The following SUGCT variants were observed in gnomAD, a reference collection of about 807,000 sequenced individuals.
SUGCT encodes the protein succinyl-CoA:glutarate CoA-transferase.
Under a neutral mutation model 55.0 loss-of-function variants are expected in SUGCT, and 41 were observed. The observed-to-expected ratio is 0.74, with a 90% CI of 0.58 to 0.97. The LOEUF (loss-of-function observed/expected upper bound fraction) is 0.97, where lower values mean the gene tolerates loss of function less well. Ranked by LOEUF, SUGCT falls within the 50% of genes least tolerant of loss-of-function variation. The pLI, the probability that SUGCT is intolerant of heterozygous loss-of-function variation, is 0.00. For missense variants in SUGCT, 568 were observed against 547.8 expected, an observed-to-expected ratio of 1.04 and a Z score of -0.37; for synonymous variants, 187 against 200.4, an observed-to-expected ratio of 0.93 and a Z score of 0.56.
intron 9 of SUGCT, among the ~76,000 whole-genome samples, chr7:40,318,986 G>A (rs897937637): frequency 7.9e-5 from 12 of 152,160 alleles, no homozygotes; most frequent in Non-Finnish European, 1.3e-4. Context: ...TTCACTATGT[G>A]TTGAAAAGAA....
At chr7:40,197,964 C>T (rs1324620909) in intron 6 of SUGCT, among the ~76,000 whole-genome samples, 1 of 152,120 alleles carries the variant, frequency 6.6e-6, no homozygotes. Flanking sequence ...AGTTTTCTTA[C>T]AGTTCTCAAA....
At chr7:40,992,540 T>G in the SUGCT span, among the ~76,000 whole-genome samples, 109,912 of 151,900 alleles carry the variant, frequency 0.72, 40,337 homozygotes, top group Middle Eastern at 0.81. Flanking sequence ...CAAGATGGAG[T>G]TGCTCTGGTT....
intron 13 of SUGCT, among the ~76,000 whole-genome samples, chr7:40,858,403 CAAAAA>C (rs58628576): frequency 5.8e-5 from 2 of 34,752 alleles, no homozygotes; most frequent in South Asian, 1.2e-3. Flanking sequence ...AATTCCATCT[CAAAAA>C]AAAAAAAAAA....
chr7:40,496,699 A>C (rs1791994013), intron 12 of SUGCT, among the ~76,000 whole-genome samples: 1 of 137,140 alleles, frequency 7.3e-6, no homozygotes, highest in Non-Finnish European at 1.6e-5. Flanking sequence ...GGGTACTCAG[A>C]GACTATTCTT....
downstream of SUGCT, among the ~76,000 whole-genome samples, chr7:40,865,146 C>T (rs1395871677): frequency 1.3e-5 from 2 of 151,710 alleles, no homozygotes; most frequent in Non-Finnish European, 2.9e-5. Flanking sequence ...ATCTTCCAAC[C>T]CCCCCTCCTC....
chr7:40,265,048 T>C (rs952741243), intron 7 of SUGCT, among the ~76,000 whole-genome samples: 2 of 152,214 alleles, frequency 1.3e-5, no homozygotes, highest in Non-Finnish European at 2.9e-5. Flanking sequence ...GGCCAAGAAC[T>C]TCTCCAAAGG....
At chr7:40,633,577 A>G (rs777641651) in intron 12 of SUGCT, among the ~76,000 whole-genome samples, 3 of 152,232 alleles carry the variant, frequency 2.0e-5, no homozygotes, top group Non-Finnish European at 4.4e-5. Context: ...GGTGCTTGGT[A>G]CAAAATCAAG....
intron 12 of SUGCT, among the ~76,000 whole-genome samples, chr7:40,639,441 C>T (rs1379777375): frequency 6.6e-5 from 10 of 151,826 alleles, no homozygotes; most frequent in African/African-American, 7.3e-5. Flanking sequence ...TAACTTGAGA[C>T]GGTCACATCA....
chr7:40,195,673 C>G (rs1786222571), intron 6 of SUGCT, among the ~76,000 whole-genome samples: 1 of 146,334 alleles, frequency 6.8e-6, no homozygotes. Flanking sequence ...CTGTTATTAA[C>G]TCTTGCATAG....
At chr7:40,304,671 G>A (rs373072252) in intron 8 of SUGCT, among the ~76,000 whole-genome samples, 1 of 149,808 alleles carries the variant, frequency 6.7e-6, no homozygotes, top group African/African-American at 2.4e-5. Flanking sequence ...CCACATATGA[G>A]TGAGAACATT....
intron 12 of SUGCT, among the ~76,000 whole-genome samples, chr7:40,498,232 T>C (rs1161876113): frequency 6.6e-6 from 1 of 152,206 alleles, no homozygotes; most frequent in Non-Finnish European, 1.5e-5. Flanking sequence ...AACAGATTAT[T>C]TTTGAAAACC....
intron 12 of SUGCT, among the ~76,000 whole-genome samples, chr7:40,716,389 T>G (rs1428788559): frequency 2.6e-5 from 4 of 152,198 alleles, no homozygotes; most frequent in African/African-American, 9.7e-5. Context: ...CCTGTACAAC[T>G]GTCATCTCTG....
intron 12 of SUGCT, among the ~76,000 whole-genome samples, chr7:40,707,248 T>A (rs1032919729): frequency 7.0e-5 from 10 of 142,860 alleles, no homozygotes; most frequent in African/African-American, 2.3e-4. Context: ...TTTTTTTTTT[T>A]TAAAAAGGCA....
At chr7:40,376,028 C>T (rs991182342) in intron 9 of SUGCT, among the ~76,000 whole-genome samples, 4 of 152,092 alleles carry the variant, frequency 2.6e-5, no homozygotes, top group Non-Finnish European at 4.4e-5. Flanking sequence ...GAAATTCATA[C>T]GTAATAGCAA....
intron 12 of SUGCT, among the ~76,000 whole-genome samples, chr7:40,616,358 A>G (rs1015875013): frequency 1.3e-5 from 2 of 151,922 alleles, no homozygotes; most frequent in African/African-American, 4.8e-5. Flanking sequence ...ACCACGCCCA[A>G]CTAATTTTTG....
chr7:40,409,702 A>G (rs1420792852), intron 9 of SUGCT, among the ~76,000 whole-genome samples: 1 of 149,850 alleles, frequency 6.7e-6, no homozygotes, highest in Non-Finnish European at 1.5e-5. Flanking sequence ...ATTATTTTGG[A>G]TAATTTTTTT....
chr7:40,439,939 A>G (rs1788412158), intron 9 of SUGCT, among the ~76,000 whole-genome samples: 1 of 152,054 alleles, frequency 6.6e-6, no homozygotes, highest in Non-Finnish European at 1.5e-5. Flanking sequence ...ATGGAAGTCT[A>G]CTTTGTAGGC....
intron 12 of SUGCT, among the ~76,000 whole-genome samples, chr7:40,628,729 G>C (rs1259767003): frequency 2.4e-5 from 2 of 82,936 alleles, no homozygotes; most frequent in African/African-American, 7.1e-5. Context: ...GTTTTGTTCT[G>C]TGTGTGTGTG....
At chr7:40,512,920 T>C (rs1184993210) in intron 12 of SUGCT, among the ~76,000 whole-genome samples, 1 of 152,156 alleles carries the variant, frequency 6.6e-6, no homozygotes, top group African/African-American at 2.4e-5. Flanking sequence ...TGTAGCACCA[T>C]ATACTATGAT....
Sources: gnomAD v4.1 joint callset for allele counts (sites outside exome capture counted in the v4.1 genomes callset) on GRCh38, gnomAD v4.1.1 for gene constraint, MANE v1.5 for transcripts, NCBI Gene and HGNC (gene_info 2026-07-23, HGNC 2026-07-21) for gene names.